Variants in NAA60 observed in about 807,000 individuals in gnomAD.
The protein encoded by NAA60 is N-alpha-acetyltransferase 60, NatF catalytic subunit.
In NAA60, 8 loss-of-function variants were observed where a neutral mutation model predicts 26.1. The observed-to-expected ratio is 0.31, with a 90% CI of 0.18 to 0.55. NAA60 has a LOEUF of 0.55. Ranked by LOEUF, NAA60 falls within the 20% of genes least tolerant of loss-of-function variation. The pLI, the probability that NAA60 is intolerant of heterozygous loss-of-function variation, is 0.93. For synonymous variants in NAA60, 131 were observed against 122.5 expected (o/e 1.07, Z -0.46); for missense variants, 290 against 311.3 (o/e 0.93, Z 0.51).
At chr16:3,467,694 C>T (rs993932148) in intron 2 of NAA60, 1 of 152,242 alleles carries the variant, frequency 6.6e-6, no homozygotes, top group African/African-American at 2.4e-5. Context: ...GTTTTCAGCA[C>T]CTGACAGTGG....
intron 1 of NAA60, 80 bp from the exon 2 acceptor site, chr16:3,448,391 C>G: frequency 8.4e-7 from 1 of 1,186,994 alleles, no homozygotes; most frequent in African/African-American, 1.5e-5. Context: ...CAGGGTTTGT[C>G]TGACACTCAT....
At chr16:3,465,669 C>T (rs1453209228) in intron 2 of NAA60, among the ~76,000 whole-genome samples, 2 of 152,180 alleles carry the variant, frequency 1.3e-5, no homozygotes, top group Non-Finnish European at 2.9e-5. Flanking sequence ...TTCTGTGTGA[C>T]CCCTGCGGTG....
intron 1 of NAA60, among the ~76,000 whole-genome samples, chr16:3,446,466 G>A (rs564672203): frequency 2.0e-5 from 3 of 148,508 alleles, no homozygotes; most frequent in South Asian, 4.3e-4. Flanking sequence ...GGGAGGCGGA[G>A]CTTGCAGTGA....
At chr16:3,482,903 C>A in intron 5 of NAA60, 2 of 519,900 alleles carry the variant, frequency 3.8e-6, no homozygotes, top group South Asian at 2.2e-5. Flanking sequence ...TGCCGCCACA[C>A]GCACAACTCG....
At chr16:3,477,002 T>C (rs1346897036) in intron 3 of NAA60, among the ~76,000 whole-genome samples, 4 of 151,744 alleles carry the variant, frequency 2.6e-5, no homozygotes, top group Non-Finnish European at 4.4e-5. Context: ...GATTGCGCCA[T>C]TGCACTCCAG....
rs73489620 is a variant in NAA60, at chr16:3,463,839, C to T, written c.-6-12383C>T. ...TGGGCAACATAGTGAGATCCTGTCT[C>T]TTAGAGAAAGAAATCTATGTGTGTG... On this transcript the variant is annotated intron_variant, in intron 2 of 7. Transcript: ENST00000407558. 9.2e-3 allele frequency among the ~76,000 whole-genome samples: 1,406 copies of T among 152,204 alleles called. 17 individuals carry two copies. Among genetic ancestry groups the T allele is most frequent in the African/African-American group, 0.032 (1,332 of 41,526 alleles).
At chr16:3,445,234 T>A (rs2034500166) in intron 1 of NAA60, among the ~76,000 whole-genome samples, 1 of 151,936 alleles carries the variant, frequency 6.6e-6, no homozygotes, top group African/African-American at 2.4e-5. Context: ...GTCACTGTGG[T>A]GTTCACGTAG....
chr16:3,474,590 G>A (rs2036356435), intron 2 of NAA60, among the ~76,000 whole-genome samples: 1 of 152,258 alleles, frequency 6.6e-6, no homozygotes, highest in Non-Finnish European at 1.5e-5. Flanking sequence ...GCAGGAGGGC[G>A]GGAGCTCAGA....
At chr16:3,444,165 T>TC (rs2034455134) in intron 1 of NAA60, among the ~76,000 whole-genome samples, 1 of 152,164 alleles carries the variant, frequency 6.6e-6, no homozygotes, top group African/African-American at 2.4e-5. Flanking sequence ...CGCAGGACGT[T>TC]GTTCGCCCCC....
At chr16:3,471,039 G>A (rs534659589) in intron 2 of NAA60, among the ~76,000 whole-genome samples, 1 of 152,252 alleles carries the variant, frequency 6.6e-6, no homozygotes, top group Admixed American at 6.5e-5. Flanking sequence ...TTGAAAATCC[G>A]CAGATCGTTG....
intron 2 of NAA60, among the ~76,000 whole-genome samples, chr16:3,451,919 A>C (rs1308990357): frequency 6.7e-6 from 1 of 149,842 alleles, no homozygotes; most frequent in Non-Finnish European, 1.5e-5. Flanking sequence ...CCCTGTCTCA[A>C]AAAAAAAAAT....
intron 2 of NAA60, chr16:3,462,475 G>T (rs985135596): frequency 6.6e-5 from 10 of 152,112 alleles, no homozygotes; most frequent in African/African-American, 2.4e-4. Flanking sequence ...TCCAGAGTCT[G>T]TTACATTCAG....
chr16:3,464,664 G>A (rs974404623), intron 2 of NAA60, among the ~76,000 whole-genome samples: 7 of 152,114 alleles, frequency 4.6e-5, no homozygotes, highest in Non-Finnish European at 7.4e-5. Flanking sequence ...AAGTAAATAC[G>A]TTTTACTATC....
At position 3,478,227 on chromosome 16, in the gene NAA60, C is replaced by T. The variant is rs181367523; in HGVS notation, c.111-1244C>T. Among the ~76,000 whole-genome samples, 320 of 152,222 alleles carry T rather than the reference C, an allele frequency of 2.1e-3. 1 individual carries two copies. The highest frequency in any genetic ancestry group is 7.4e-3 in the African/African-American group (306 of 41,544). On this transcript the variant is annotated intron_variant, in intron 3 of 7. Coordinates refer to ENST00000407558, the MANE Select transcript of NAA60 (RefSeq NM_001083601.3). ...CTCCAGTCTGGGTGACAGAGTGAGA[C>T]TCCATCTCAAAATAAAAATAAAAAC... is the stretch of plus-strand genomic sequence containing the variant.
At chr16:3,472,320 C>A (rs886973329) in intron 2 of NAA60, 2 of 152,218 alleles carry the variant, frequency 1.3e-5, no homozygotes, top group African/African-American at 4.8e-5. Flanking sequence ...AGAGGCCTTG[C>A]ATTCAGTCAC....
In NAA60 at chr16:3,484,716, T is replaced by C; in HGVS notation, c.590T>C (p.Leu197Pro). The change falls in exon 7 of 8, where the codon CTG (leucine) becomes CCG (proline). Residue 197 changes from leucine to proline, a missense_variant. By Grantham distance (98) the Leu-to-Pro change is moderately conservative. Coordinates refer to ENST00000407558, the MANE Select transcript of NAA60 (RefSeq NM_001083601.3). ...AGCCCCACGGACTACATCCAGCACC[T>C]GGGCTCTGCACTAGCCAGCCTGAGC... ...PWTILDYIQHLGSALASLSPC... is the reference protein window; with the variant it reads ...PWTILDYIQHPGSALASLSPC... 6.3e-7 allele frequency: 1 copy of C among 1,594,456 alleles called. No homozygotes were observed.
At chr16:3,448,660 T>A in intron 2 of NAA60, 120 bp downstream of exon 2, 1 of 797,814 alleles carries the variant, frequency 1.3e-6, no homozygotes, top group African/African-American at 1.7e-5. Context: ...TTTTTAGTAC[T>A]GAATGATAGA....
intron 2 of NAA60, chr16:3,457,886 G>A: frequency 1.3e-6 from 1 of 788,506 alleles, no homozygotes; most frequent in Non-Finnish European, 1.5e-6. Context: ...GGGATCCTGG[G>A]CCTGGCTTCG....
At chr16:3,464,757 C>T (rs1255598524) in intron 2 of NAA60, among the ~76,000 whole-genome samples, 2 of 152,194 alleles carry the variant, frequency 1.3e-5, no homozygotes, top group African/African-American at 4.8e-5. Context: ...AACAGGTTGA[C>T]CCATTCACTC....
Sources: gnomAD v4.1 joint callset for allele counts (sites outside exome capture counted in the v4.1 genomes callset) on GRCh38, gnomAD v4.1.1 for gene constraint, MANE v1.5 for transcripts, NCBI Gene and HGNC (gene_info 2026-07-23, HGNC 2026-07-21) for gene names.